The following SLC9A2 variants were observed in gnomAD, a reference collection of about 807,000 sequenced individuals.
The protein encoded by SLC9A2 is sodium/hydrogen exchanger 2.
A neutral mutation model predicts 71.7 loss-of-function variants in SLC9A2; 42 were observed. That is an observed-to-expected ratio of 0.59 (90% CI 0.46 to 0.76). The LOEUF is 0.76. Among genes scored for constraint, SLC9A2 ranks in the 30% least tolerant of loss-of-function variants. The pLI, the probability that SLC9A2 is intolerant of heterozygous loss-of-function variation, is 0.00. For synonymous variants in SLC9A2, 396 were observed against 392.5 expected (o/e 1.01, Z -0.10); for missense variants, 829 against 1,017.4 (o/e 0.81, Z 2.52).
chr2:102,710,808 C>A lies in SLC9A2; in HGVS notation c.*2319C>A, dbSNP rs1678094544. On this transcript the variant is annotated 3_prime_UTR_variant, in exon 12 of 12. Coordinates refer to ENST00000233969, the MANE Select transcript of SLC9A2 (RefSeq NM_003048.6). ...AGAGAGCCGTAGCCCTTTGTAAAGGCTTTCGTTCGTCCAAACAACACTTGA... is the reference window on the plus strand; with the variant it reads ...AGAGAGCCGTAGCCCTTTGTAAAGGATTTCGTTCGTCCAAACAACACTTGA... 6.6e-6 allele frequency: 1 copy of A among 152,280 alleles called. No homozygotes were observed. The highest frequency in any genetic ancestry group is 6.5e-5 in the Admixed American group (1 of 15,280). The allele number at this position is 152,280 out of a possible 1,614,324, so 9.4% of individuals were successfully genotyped here.
chr2:102,691,686 A>G (rs1275572301), intron 5 of SLC9A2, among the ~76,000 whole-genome samples: 3 of 152,256 alleles, frequency 2.0e-5, no homozygotes, highest in African/African-American at 2.4e-5. Flanking sequence ...ACATATTGCT[A>G]TAAGCTTTAT....
chr2:102,660,533 TA>T (rs1245775229), intron 2 of SLC9A2, among the ~76,000 whole-genome samples: 3 of 152,246 alleles, frequency 2.0e-5, no homozygotes, highest in African/African-American at 7.2e-5. Context: ...GTGTTAAGAA[TA>T]ATTAGAACAA....
chr2:102,619,895 C>T lies in SLC9A2; in HGVS notation c.47C>T (p.Pro16Leu), dbSNP rs183972576. Residue 16 changes from proline (P) to leucine (L), a missense_variant, in exon 1 of 12, where the codon CCG becomes CTG. Pro to Leu is a moderately conservative substitution (Grantham distance 98, BLOSUM62 -3). Transcript: ENST00000233969. The surrounding 1 kb of genome is among the most constrained non-coding windows in gnomAD (Gnocchi z 4.3). Reference protein sequence around the residue: ...NWRSLRAPLPPMLLLLLLQVA... With the variant: ...NWRSLRAPLPLMLLLLLLQVA... The stretch of plus-strand genomic sequence containing the variant: ...AGGAGCCTGCGGGCGCCACTGCCTC[C>T]GATGCTGTTGCTGCTGCTCCTGCAG... The T allele has an allele frequency of 3.4e-4, 539 of 1,585,522 alleles. 3 individuals carry two copies. In the African/African-American group the frequency reaches 6.2e-3, roughly 18 times the overall value.
intron 3 of SLC9A2, among the ~76,000 whole-genome samples, chr2:102,682,129 G>T (rs1013850611): frequency 2.6e-5 from 4 of 152,146 alleles, no homozygotes; most frequent in African/African-American, 9.7e-5. Flanking sequence ...TGAGTGGAAG[G>T]CAGGGTGGCT....
At chr2:102,629,726 A>C (rs1238152029) in intron 1 of SLC9A2, among the ~76,000 whole-genome samples, 1 of 152,114 alleles carries the variant, frequency 6.6e-6, no homozygotes, top group East Asian at 1.9e-4. Context: ...TTTTAAGGAT[A>C]CTATACAGTT....
chr2:102,635,888 C>T (rs75372141), intron 1 of SLC9A2, among the ~76,000 whole-genome samples: 10 of 145,070 alleles, frequency 6.9e-5, no homozygotes, highest in Admixed American at 2.1e-4. Flanking sequence ...ATAATTTTTT[C>T]TTTTTTTTTT....
At chr2:102,704,366 A>C (rs964928736) in intron 9 of SLC9A2, among the ~76,000 whole-genome samples, 178 bp from the exon 10 acceptor site, 4 of 152,194 alleles carry the variant, frequency 2.6e-5, no homozygotes, top group African/African-American at 4.8e-5. Context: ...AATTCTTTGA[A>C]GATCTGAAGA....
At position 102,708,615 on chromosome 2, in the gene SLC9A2, C is replaced by T. The variant is rs1338081571; in HGVS notation, c.*126C>T. The T allele has an allele frequency of 9.0e-7, 1 of 1,113,350 alleles. No homozygotes were observed. The highest frequency in any genetic ancestry group is 1.6e-5 in the African/African-American group (1 of 64,076). The allele number at this position is 1,113,350 out of a possible 1,614,324, so 69.0% of individuals were successfully genotyped here. ...GCATCTAAATACTTCTGGAGGGCGA[C>T]AGATTCATGCCACGGATAAATGAGG... On this transcript the variant is annotated 3_prime_UTR_variant, in exon 12 of 12. Coordinates refer to ENST00000233969, the MANE Select transcript of SLC9A2 (RefSeq NM_003048.6).
chr2:102,698,345 G>A (rs555958694), intron 7 of SLC9A2, among the ~76,000 whole-genome samples: 6 of 152,306 alleles, frequency 3.9e-5, no homozygotes, highest in South Asian at 2.1e-4. Context: ...TTCCTTCCAC[G>A]GCACAGGTGT....
intron 2 of SLC9A2, among the ~76,000 whole-genome samples, chr2:102,659,646 CCTCA>C (rs1677014964): frequency 6.6e-6 from 1 of 152,100 alleles, no homozygotes; most frequent in African/African-American, 2.4e-5. Flanking sequence ...AGCTAAGTTA[CCTCA>C]CTTAAGTAAC....
chr2:102,646,868 T>C (rs1445346518), intron 1 of SLC9A2, among the ~76,000 whole-genome samples: 1 of 150,792 alleles, frequency 6.6e-6, no homozygotes, highest in Non-Finnish European at 1.5e-5. Context: ...CATACAATAA[T>C]AGTGGGAAAC....
intron 3 of SLC9A2, among the ~76,000 whole-genome samples, chr2:102,668,153 G>A (rs538645973): frequency 2.6e-5 from 4 of 152,194 alleles, no homozygotes; most frequent in African/African-American, 7.2e-5. Flanking sequence ...CCTTAAATAA[G>A]ATATTACCAG....
At chr2:102,633,982 GT>G (rs1447948568) in intron 1 of SLC9A2, among the ~76,000 whole-genome samples, 2 of 152,208 alleles carry the variant, frequency 1.3e-5, no homozygotes, top group Non-Finnish European at 2.9e-5. Flanking sequence ...TCATTAGAAT[GT>G]GTGCTCAATG....
intron 3 of SLC9A2, among the ~76,000 whole-genome samples, chr2:102,672,703 C>T (rs755826023): frequency 2.6e-5 from 4 of 151,992 alleles, no homozygotes; most frequent in Non-Finnish European, 4.4e-5. Flanking sequence ...ATATAAATAT[C>T]CTCAAAATCT....
At chr2:102,703,695 C>T (rs1368397488) in intron 9 of SLC9A2, among the ~76,000 whole-genome samples, 1 of 152,174 alleles carries the variant, frequency 6.6e-6, no homozygotes, top group Admixed American at 6.5e-5. Flanking sequence ...TATTTCTGGA[C>T]ACAGGGATAT....
intron 1 of SLC9A2, among the ~76,000 whole-genome samples, chr2:102,621,261 T>G (rs1676130587): frequency 6.8e-6 from 1 of 146,756 alleles, no homozygotes; most frequent in African/African-American, 2.5e-5. Flanking sequence ...GGGAGGAGGA[T>G]CGCTTAAACT....
intron 9 of SLC9A2, 92 bp downstream of exon 9, chr2:102,702,594 C>A: frequency 1.4e-6 from 1 of 740,398 alleles, no homozygotes; most frequent in East Asian, 2.6e-5. Context: ...TGCATCTTGA[C>A]ACTGGGCTCA....
In SLC9A2 at chr2:102,704,686, G is replaced by A. The variant is rs1233641618; in HGVS notation, c.1977+11G>A. 2.5e-6 allele frequency: 4 copies of A among 1,607,928 alleles called. No homozygotes were observed. The highest frequency in any genetic ancestry group is 2.2e-5 in the South Asian group (2 of 90,966). On this transcript the variant is annotated intron_variant, in intron 10 of 11. Coordinates refer to ENST00000233969, the MANE Select transcript of SLC9A2 (RefSeq NM_003048.6). Reference sequence around the variant, plus strand: ...AATCGAGAACACAGGGTAACTGAGTGTGCGCCTCTAGGAGACTTCCAGGGG... The same window carrying A: ...AATCGAGAACACAGGGTAACTGAGTATGCGCCTCTAGGAGACTTCCAGGGG...
intron 3 of SLC9A2, among the ~76,000 whole-genome samples, chr2:102,669,182 GA>G (rs1171378664): frequency 1.3e-5 from 2 of 152,174 alleles, no homozygotes; most frequent in African/African-American, 4.8e-5. Flanking sequence ...ATTAAATAAT[GA>G]GGTGAAATCT....
Sources: allele counts gnomAD v4.1 joint callset (sites outside exome capture counted in the v4.1 genomes callset), GRCh38; gene constraint gnomAD v4.1.1; non-coding constraint Gnocchi (gnomAD v3.1); transcripts MANE v1.5; gene names NCBI Gene and HGNC (gene_info 2026-07-23, HGNC 2026-07-21).